UNC13B: variants seen among roughly 807,000 people sequenced by gnomAD.
UNC13B encodes the protein protein unc-13 homolog B.
A neutral mutation model predicts 211.0 loss-of-function variants in UNC13B; 144 were observed. The ratio of observed to expected loss-of-function variants is 0.68; its 90% CI spans 0.60 to 0.78. The LOEUF (loss-of-function observed/expected upper bound fraction) is 0.78, where lower values mean the gene tolerates loss of function less well. Ranked by LOEUF, UNC13B falls within the 30% of genes least tolerant of loss-of-function variation. The pLI is 0.00. For synonymous variants in UNC13B, 709 were observed against 725.8 expected, an observed-to-expected ratio of 0.98 and a Z score of 0.37; for missense variants, 1,777 against 2,002.0, an observed-to-expected ratio of 0.89 and a Z score of 2.14.
intron 22 of UNC13B, chr9:35,384,845 G>A (rs1405189036): frequency 2.7e-6 from 2 of 750,164 alleles, no homozygotes; most frequent in Non-Finnish European, 3.3e-6. Context: ...AAGGAAATGG[G>A]CAGTTTCTTA....
intron 1 of UNC13B, among the ~76,000 whole-genome samples, chr9:35,182,947 G>A (rs796656900): frequency 1.6e-4 from 25 of 151,878 alleles, no homozygotes; most frequent in African/African-American, 4.6e-4. Context: ...CGACAAAACC[G>A]CCATCGTCAT....
At chr9:35,322,555 G>A (rs1216650343) in intron 11 of UNC13B, among the ~76,000 whole-genome samples, 1 of 152,154 alleles carries the variant, frequency 6.6e-6, no homozygotes, top group Non-Finnish European at 1.5e-5. Flanking sequence ...CTGCCAGCCT[G>A]AGAGGTAGAT....
intron 8 of UNC13B, among the ~76,000 whole-genome samples, chr9:35,297,561 T>TTTTTTTTTTTTTTTTTTTTTTTTTTG: frequency 4.7e-5 from 6 of 128,164 alleles, no homozygotes; most frequent in Non-Finnish European, 5.1e-5. Flanking sequence ...TTTTTTTTTT[T>TTTTTTTTTTTTTTTTTTTTTTTTTTG]TTTTTTGAGA....
chr9:35,339,354 G>A (rs1193884954), intron 11 of UNC13B, among the ~76,000 whole-genome samples: 4 of 152,102 alleles, frequency 2.6e-5, no homozygotes, highest in African/African-American at 9.7e-5. Flanking sequence ...GCTTCCCCAG[G>A]GCCAGATCCA....
intron 11 of UNC13B, among the ~76,000 whole-genome samples, chr9:35,357,580 T>A (rs999237566): frequency 1.4e-5 from 2 of 143,062 alleles, no homozygotes; most frequent in African/African-American, 2.6e-5. Flanking sequence ...TTTTTATTGT[T>A]TTTTTTTTTT....
intron 11 of UNC13B, among the ~76,000 whole-genome samples, chr9:35,321,474 C>T (rs1830733753): frequency 6.6e-6 from 1 of 152,118 alleles, no homozygotes; most frequent in Non-Finnish European, 1.5e-5. Context: ...GTCTCAACCT[C>T]CCAAAATGCT....
chr9:35,251,928 C>T (rs1014400713), intron 6 of UNC13B, among the ~76,000 whole-genome samples: 37 of 151,844 alleles, frequency 2.4e-4, no homozygotes, highest in African/African-American at 8.2e-4. Context: ...TGGGCTCAAG[C>T]GATCTGCCCG....
chr9:35,229,880 C>T (rs1825099896), intron 2 of UNC13B, among the ~76,000 whole-genome samples: 1 of 152,122 alleles, frequency 6.6e-6, no homozygotes, highest in South Asian at 2.1e-4. Flanking sequence ...TCTTCTGTAA[C>T]ATTAGGTAAT....
rs549097938 is a variant in UNC13B, at chr9:35,236,586, G to A, written c.270G>A (p.Glu90=). The change falls in exon 4 of 40, where the codon GAG becomes GAA. Residue 90 remains glutamate, a splice_region_variant and synonymous_variant. Coordinates refer to ENST00000635942, the MANE Select transcript of UNC13B (RefSeq NM_001371189.2). The part of the protein sequence containing the change: ...IALKTIRQSD[E]EGPGEWSTLE... ...TGAAGACTATTCGTCAGTCGGATGA[G>A]GTCAGTCATTGCATTTTCTGTTTGG... is the stretch of plus-strand genomic sequence containing the variant. 5 of 1,613,222 alleles carry A rather than the reference G, an allele frequency of 3.1e-6. No homozygotes were observed. The highest frequency in any genetic ancestry group is 2.5e-6 in the Non-Finnish European group (3 of 1,179,284).
intron 11 of UNC13B, among the ~76,000 whole-genome samples, chr9:35,358,425 AG>A (rs1286466150): frequency 6.6e-6 from 1 of 152,198 alleles, no homozygotes; most frequent in African/African-American, 2.4e-5. Flanking sequence ...TCAGGGCACA[AG>A]GGTTCCTTCC....
chr9:35,291,219 C>A, intron 7 of UNC13B: 1 of 1,012,890 alleles, frequency 9.9e-7, no homozygotes, highest in Non-Finnish European at 1.5e-6. Flanking sequence ...CCTCTCCTCT[C>A]CTACTTAAAT....
At chr9:35,244,487 T>C (rs1042135617) in intron 6 of UNC13B, among the ~76,000 whole-genome samples, 1 of 152,182 alleles carries the variant, frequency 6.6e-6, no homozygotes, top group Admixed American at 6.5e-5. Context: ...AAGTCTGAAA[T>C]TAGGCTGTCA....
chr9:35,182,190 T>C (rs934307716), intron 1 of UNC13B, among the ~76,000 whole-genome samples: 1 of 152,318 alleles, frequency 6.6e-6, no homozygotes, highest in Admixed American at 6.5e-5. Context: ...CTTCTCACCT[T>C]TAAAAATTAT....
Position 35,303,872 on chromosome 9 carries a change from G to T in UNC13B, c.4468G>T (p.Asp1490Tyr). 1 of 398,718 alleles carries T rather than the reference G, an allele frequency of 2.5e-6. No homozygotes were observed. Among genetic ancestry groups the T allele is most frequent in the South Asian group, 1.3e-4 (1 of 7,824 alleles). 24.7% of individuals were successfully genotyped at this position (398,718 alleles called of 1,614,324 possible). ...TGAAAAGACTACATGCCCCGTAGTT[G>T]ATCAAGAATCATTAAGAATGGATGA... is the stretch of plus-strand genomic sequence containing the variant. The part of the protein sequence containing the change: ...DHEKTTCPVV[D>Y]QESLRMDENF... Residue 1490 changes from aspartate to tyrosine, a missense_variant, in exon 9 of 40, where the codon GAT (aspartate) becomes TAT (tyrosine). Coordinates refer to ENST00000635942, the MANE Select transcript of UNC13B (RefSeq NM_001371189.2).
chr9:35,193,399 A>G (rs1372700942), intron 1 of UNC13B, among the ~76,000 whole-genome samples: 1 of 152,176 alleles, frequency 6.6e-6, no homozygotes, highest in Non-Finnish European at 1.5e-5. Context: ...CTGTAATCCC[A>G]GCACTTTGGT....
chr9:35,207,754 A>C (rs1416557006), intron 1 of UNC13B, among the ~76,000 whole-genome samples: 1 of 152,196 alleles, frequency 6.6e-6, no homozygotes, highest in Non-Finnish European at 1.5e-5. Flanking sequence ...TATGCTAGAT[A>C]CAAAACTCTT....
intron 7 of UNC13B, among the ~76,000 whole-genome samples, chr9:35,285,594 G>A (rs1052639076): frequency 1.3e-5 from 2 of 152,138 alleles, no homozygotes; most frequent in Non-Finnish European, 2.9e-5. Flanking sequence ...GCACGTGCCT[G>A]TAGTCCCAGC....
At chr9:35,197,966 G>A (rs1243385108) in intron 1 of UNC13B, among the ~76,000 whole-genome samples, 4 of 152,006 alleles carry the variant, frequency 2.6e-5, no homozygotes, top group Non-Finnish European at 2.9e-5. Context: ...TACAATATGC[G>A]AACCATTAGG....
Position 35,376,361 on chromosome 9 carries a change from C to G in UNC13B, c.9835+114C>G. 2.8e-6 allele frequency: 3 copies of G among 1,056,476 alleles called. No homozygotes were observed. In the East Asian group the frequency reaches 7.7e-5, roughly 27 times the overall value. The allele number at this position is 1,056,476 out of a possible 1,614,324, so 65.4% of individuals were successfully genotyped here. Reference sequence around the variant, plus strand: ...AATCATTCCCCCAGTCCACCTGATTCTGAAACCCTATCCATTTCAGAGAAG... The same window carrying G: ...AATCATTCCCCCAGTCCACCTGATTGTGAAACCCTATCCATTTCAGAGAAG... On this transcript the variant is annotated intron_variant, in intron 15 of 39. Coordinates refer to ENST00000635942, the MANE Select transcript of UNC13B (RefSeq NM_001371189.2).
Sources: gnomAD v4.1 joint callset for allele counts (sites outside exome capture counted in the v4.1 genomes callset) on GRCh38, gnomAD v4.1.1 for gene constraint, MANE v1.5 for transcripts, NCBI Gene and HGNC (gene_info 2026-07-23, HGNC 2026-07-21) for gene names.